Variants in FBLN7 observed in about 807,000 individuals in gnomAD.
FBLN7 encodes the protein fibulin 7.
In FBLN7, 31 loss-of-function variants were observed where a neutral mutation model predicts 44.0. The ratio of observed to expected loss-of-function variants is 0.70; its 90% confidence interval spans 0.53 to 0.95. The LOEUF (loss-of-function observed/expected upper bound fraction) is 0.95, where lower values mean the gene tolerates loss of function less well. FBLN7 is among the 40% of genes least tolerant of loss of function. The pLI is 0.00. For missense variants in FBLN7, 573 were observed against 618.5 expected (o/e 0.93, Z 0.78); for synonymous variants, 262 against 253.4 (o/e 1.03, Z -0.32).
At chr2:112,155,583 C>T (rs1033980831) in intron 1 of FBLN7, among the ~76,000 whole-genome samples, 1 of 152,230 alleles carries the variant, frequency 6.6e-6, no homozygotes, top group African/African-American at 2.4e-5. Context: ...GCCTTCCTGT[C>T]TCCCTCCCCG....
chr2:112,167,873 A>ATGTTATGTTATTTATGTTATGTTG (rs1310889661), intron 3 of FBLN7, among the ~76,000 whole-genome samples: 1 of 147,032 alleles, frequency 6.8e-6, no homozygotes, highest in Non-Finnish European at 1.5e-5. Flanking sequence ...AAGACACGTT[A>ATGTTATGTTATTTATGTTATGTTG]TGTTATGTTA....
At chr2:112,163,590 G>A (rs1043847517) in intron 2 of FBLN7, among the ~76,000 whole-genome samples, 2 of 152,116 alleles carry the variant, frequency 1.3e-5, no homozygotes, top group South Asian at 2.1e-4. Flanking sequence ...TCAGTCCTTC[G>A]GGAAATCTTC....
chr2:112,216,269 T>C, the FBLN7 span: 5 of 152,290 alleles, frequency 3.3e-5, no homozygotes. Flanking sequence ...ATGGCTGGAA[T>C]GTCTCAGGGA....
At chr2:112,178,275 G>C (rs1193145097) in intron 4 of FBLN7, among the ~76,000 whole-genome samples, 1 of 132,336 alleles carries the variant, frequency 7.6e-6, no homozygotes, top group Non-Finnish European at 1.7e-5. Context: ...AAAACCAAAA[G>C]AAAACAAACA....
chr2:112,197,678 T>C, the FBLN7 span, among the ~76,000 whole-genome samples: 3 of 152,192 alleles, frequency 2.0e-5, no homozygotes, highest in African/African-American at 7.2e-5. Context: ...AACCAGTCAC[T>C]TCACTTCAAG....
intron 1 of FBLN7, among the ~76,000 whole-genome samples, chr2:112,154,106 C>A (rs1057346342): frequency 2.0e-5 from 3 of 152,180 alleles, no homozygotes; most frequent in African/African-American, 7.2e-5. Flanking sequence ...AGATGAAGTA[C>A]TCACCCCTTT....
the FBLN7 span, chr2:112,238,480 T>A: frequency 2.5e-6 from 4 of 1,612,558 alleles, no homozygotes; most frequent in Non-Finnish European, 3.4e-6. Context: ...TCCTTACTTC[T>A]TGATTTTCTA....
intron 4 of FBLN7, chr2:112,177,257 G>A (rs1682779697): frequency 1.3e-5 from 2 of 152,334 alleles, no homozygotes; most frequent in East Asian, 3.9e-4. Flanking sequence ...GACAATTGTT[G>A]CTCAGGTCCA....
At chr2:112,207,421 T>G in the FBLN7 span, among the ~76,000 whole-genome samples, 3 of 148,008 alleles carry the variant, frequency 2.0e-5, no homozygotes, top group Non-Finnish European at 4.4e-5. Context: ...GAGCAGAGAT[T>G]GCACCACTGC....
chr2:112,241,549 T>A, the FBLN7 span, among the ~76,000 whole-genome samples: 3 of 152,314 alleles, frequency 2.0e-5, no homozygotes, highest in Non-Finnish European at 4.4e-5. Context: ...TTCATCAACC[T>A]CCAAATTGAC....
At chr2:112,196,374 CTTTTTTTTT>C in the FBLN7 span, among the ~76,000 whole-genome samples, 9 of 63,268 alleles carry the variant, frequency 1.4e-4, no homozygotes, top group Non-Finnish European at 2.0e-4. Flanking sequence ...TCTTCTTCTT[CTTTTTTTTT>C]TTTTTTTTTT....
At chr2:112,239,027 C>T in the FBLN7 span, among the ~76,000 whole-genome samples, 1 of 152,248 alleles carries the variant, frequency 6.6e-6, no homozygotes, top group Admixed American at 6.5e-5. Flanking sequence ...AAAGTCTAGT[C>T]TTTCTCCTAT....
At chr2:112,194,006 C>T in the FBLN7 span, among the ~76,000 whole-genome samples, 10 of 152,140 alleles carry the variant, frequency 6.6e-5, no homozygotes, top group African/African-American at 2.2e-4. Flanking sequence ...ATCATGGATT[C>T]GGTGGGCCAG....
At chr2:112,141,420 C>T (rs891577932) in intron 1 of FBLN7, among the ~76,000 whole-genome samples, 1 of 152,166 alleles carries the variant, frequency 6.6e-6, no homozygotes, top group African/African-American at 2.4e-5. Context: ...CCATGGCCAC[C>T]TAGAGGCCCC....
the FBLN7 span, among the ~76,000 whole-genome samples, chr2:112,229,954 AC>A: frequency 6.6e-6 from 1 of 151,830 alleles, no homozygotes; most frequent in African/African-American, 2.4e-5. Context: ...AAAAAAAAAA[AC>A]AAAAAACGAA....
chr2:112,154,933 G>A (rs1371500129), intron 1 of FBLN7, among the ~76,000 whole-genome samples: 1 of 152,186 alleles, frequency 6.6e-6, no homozygotes, highest in Non-Finnish European at 1.5e-5. Flanking sequence ...AGTGTTGAGG[G>A]GAAAGAGCTG....
chr2:112,238,498 A>G, the FBLN7 span: 1 of 1,611,594 alleles, frequency 6.2e-7, no homozygotes, highest in Non-Finnish European at 8.5e-7. Flanking sequence ...CTATGCAGCG[A>G]ACTTTTTGGT....
chr2:112,160,674 A>ACG (rs1368628382), intron 2 of FBLN7, among the ~76,000 whole-genome samples: 1 of 135,268 alleles, frequency 7.4e-6, no homozygotes, highest in African/African-American at 2.8e-5. Flanking sequence ...GCACACGCAC[A>ACG]CGCAGACGCA....
the FBLN7 span, among the ~76,000 whole-genome samples, chr2:112,231,269 G>T: frequency 1.3e-5 from 2 of 152,014 alleles, no homozygotes; most frequent in Non-Finnish European, 2.9e-5. Context: ...GGAACATTTT[G>T]CCAGAAGATC....
Sources: gnomAD v4.1 joint callset for allele counts (sites outside exome capture counted in the v4.1 genomes callset) on GRCh38, gnomAD v4.1.1 for gene constraint, MANE v1.5 for transcripts, NCBI Gene and HGNC (gene_info 2026-07-23, HGNC 2026-07-21) for gene names.